SCNN1G: variants seen among roughly 807,000 people sequenced by gnomAD.
SCNN1G encodes sodium channel epithelial 1 subunit gamma.
In SCNN1G, 27 loss-of-function variants were observed where a neutral mutation model predicts 64.6. The ratio of observed to expected loss-of-function variants is 0.42; its 90% confidence interval spans 0.31 to 0.58. The LOEUF is 0.58. SCNN1G is among the 20% of genes least tolerant of loss of function. The pLI, the probability that SCNN1G is intolerant of heterozygous loss-of-function variation, is 0.18. For missense variants in SCNN1G, 743 were observed against 823.4 expected, an observed-to-expected ratio of 0.90 and a Z score of 1.19; for synonymous variants, 330 against 314.2, an observed-to-expected ratio of 1.05 and a Z score of -0.53.
intron 6 of SCNN1G, among the ~76,000 whole-genome samples, chr16:23,201,056 G>T (rs192322374): frequency 1.3e-5 from 2 of 152,300 alleles, no homozygotes; most frequent in Admixed American, 6.5e-5. Flanking sequence ...AAACTATCTC[G>T]AACCCTCAAT....
intron 5 of SCNN1G, among the ~76,000 whole-genome samples, chr16:23,195,548 G>A (rs1391017977): frequency 6.6e-6 from 1 of 152,224 alleles, no homozygotes; most frequent in African/African-American, 2.4e-5. Flanking sequence ...TCCCTGTGTA[G>A]TCTGTGCTCT....
At chr16:23,187,245 AC>A (rs1173710276) in intron 2 of SCNN1G, among the ~76,000 whole-genome samples, 1 of 151,452 alleles carries the variant, frequency 6.6e-6, no homozygotes, top group Non-Finnish European at 1.5e-5. Context: ...AGTAGCTGGG[AC>A]TATAGGCACA....
chr16:23,212,212 A>C (rs1012921483), intron 8 of SCNN1G, 61 bp downstream of exon 8: 5 of 1,084,582 alleles, frequency 4.6e-6, no homozygotes, highest in Non-Finnish European at 7.2e-6. Flanking sequence ...TAGTCCTGGC[A>C]ATAGGCACTC....
intron 7 of SCNN1G, 134 bp from the exon 8 acceptor site, chr16:23,211,900 T>G (rs541224071): frequency 4.0e-6 from 3 of 757,624 alleles, no homozygotes; most frequent in East Asian, 4.9e-5. Context: ...CCCAGCCCAG[T>G]TGGCATAAGG....
At chr16:23,208,242 G>A (rs542089838) in intron 6 of SCNN1G, among the ~76,000 whole-genome samples, 1 of 152,250 alleles carries the variant, frequency 6.6e-6, no homozygotes, top group South Asian at 2.1e-4. Context: ...GCTACTCAGA[G>A]AGGCTGAGGC....
chr16:23,209,362 G>A (rs1028140662), intron 6 of SCNN1G, among the ~76,000 whole-genome samples: 3 of 151,972 alleles, frequency 2.0e-5, no homozygotes, highest in Admixed American at 6.6e-5. Context: ...TCCCTTTTTC[G>A]GAAATACCTT....
chr16:23,203,386 C>T (rs1400409239), intron 6 of SCNN1G, among the ~76,000 whole-genome samples: 1 of 152,254 alleles, frequency 6.6e-6, no homozygotes, highest in Admixed American at 6.5e-5. Flanking sequence ...GGGGAGACTC[C>T]ATGTCATTAC....
intron 7 of SCNN1G, among the ~76,000 whole-genome samples, chr16:23,210,776 A>G (rs1011059456): frequency 2.6e-5 from 4 of 152,182 alleles, no homozygotes; most frequent in Non-Finnish European, 4.4e-5. Context: ...TCATGCCTAT[A>G]ATCCCAGCAC....
At position 23,212,776 on chromosome 16, in the gene SCNN1G, T is replaced by C; in HGVS notation, c.1373+20T>C. 1 of 1,613,714 alleles carries C rather than the reference T, an allele frequency of 6.2e-7. No homozygotes were observed. The highest frequency in any genetic ancestry group is 8.5e-7 in the Non-Finnish European group (1 of 1,179,676). ...CTGCAGGTATGTGGACCCCAAGGGG[T>C]GAGACGGGTGGCTGGGTTGGGTTGG... is the stretch of plus-strand genomic sequence containing the variant. On this transcript the variant is annotated intron_variant, in intron 9 of 12. Coordinates refer to ENST00000300061, the MANE Select transcript of SCNN1G (RefSeq NM_001039.4).
intron 2 of SCNN1G, among the ~76,000 whole-genome samples, chr16:23,187,864 G>A (rs1959639831): frequency 1.3e-5 from 2 of 152,146 alleles, no homozygotes; most frequent in Admixed American, 6.5e-5. Flanking sequence ...CAGGGGTGGG[G>A]AGAAGGGAAG....
At chr16:23,210,979 A>G (rs555344428) in intron 7 of SCNN1G, among the ~76,000 whole-genome samples, 1 of 152,312 alleles carries the variant, frequency 6.6e-6, no homozygotes, top group East Asian at 1.9e-4. Flanking sequence ...TCAAGCCTGC[A>G]GTGAGCCATG....
At position 23,212,856 on chromosome 16, in the gene SCNN1G, A is replaced by G; in HGVS notation, c.1393A>G (p.Thr465Ala). Residue 465 changes from threonine to alanine, a missense_variant, in exon 10 of 13, where the codon ACC becomes GCC. By Grantham distance (58) the Thr-to-Ala change is moderately conservative (BLOSUM62 0). Transcript: ENST00000300061. ...EACSFKEWTL[T>A]TSLAQWPSVV... The stretch of plus-strand genomic sequence containing the variant: ...CCTTAGCTTTAAAGAGTGGACACTA[A>G]CCACAAGCCTGGCACAATGGCCATC... The G allele has an allele frequency of 6.2e-7, 1 of 1,614,100 alleles. No individual in the cohort carries two copies. The highest frequency in any genetic ancestry group is 8.5e-7 in the Non-Finnish European group (1 of 1,180,022).
chr16:23,189,225 C>A, intron 2 of SCNN1G, 146 bp from the exon 3 acceptor site: 2 of 824,226 alleles, frequency 2.4e-6, no homozygotes, highest in Non-Finnish European at 4.0e-6. Flanking sequence ...TGGGTCAAGT[C>A]ATGAAAGGCG....
In SCNN1G at chr16:23,201,534, A is replaced by C. The variant is rs555516033; in HGVS notation, c.1077+4107A>C. Reference sequence around the variant, plus strand: ...ATGAGCATTTAGAACAACAACAAAAAAAAAAACAGGGTTTATGAAGAGGTC... The same window carrying C: ...ATGAGCATTTAGAACAACAACAAAACAAAAAACAGGGTTTATGAAGAGGTC... On this transcript the variant is annotated intron_variant, in intron 6 of 12. Coordinates refer to ENST00000300061, the MANE Select transcript of SCNN1G (RefSeq NM_001039.4). 1.1e-3 allele frequency among the ~76,000 whole-genome samples: 175 copies of C among 152,186 alleles called. 1 individual carries two copies. Among genetic ancestry groups the C allele is most frequent in the Admixed American group, 2.1e-3 (32 of 15,282 alleles).
At chr16:23,201,812 G>A (rs1167148864) in intron 6 of SCNN1G, among the ~76,000 whole-genome samples, 8 of 152,148 alleles carry the variant, frequency 5.3e-5, no homozygotes, top group Non-Finnish European at 1.2e-4. Flanking sequence ...GAAGACAAAA[G>A]TTTGTTTGCT....
chr16:23,194,504 C>T (rs761832842), intron 5 of SCNN1G, among the ~76,000 whole-genome samples: 10 of 152,152 alleles, frequency 6.6e-5, no homozygotes, highest in East Asian at 1.9e-4. Context: ...TTTGAGAGAG[C>T]GACAGGGACA....
chr16:23,186,424 G>A lies in SCNN1G; in HGVS notation c.153G>A (p.Leu51=), dbSNP rs752015752. 4.3e-6 allele frequency: 7 copies of A among 1,614,250 alleles called. No homozygotes were observed. Among genetic ancestry groups the A allele is most frequent in the South Asian group, 1.1e-5 (1 of 91,090 alleles). Residue 51 remains leucine (L), a synonymous_variant, in exon 2 of 13, where the codon CTG becomes CTA. Transcript: ENST00000300061. ...CRRIVVSRGR[L]RRLLWIGFTL... ...GCATCGTGGTGTCCCGCGGCCGTCT[G>A]CGCCGCCTCCTCTGGATCGGGTTCA... is the stretch of plus-strand genomic sequence containing the variant.
chr16:23,214,601 C>T, intron 11 of SCNN1G, 111 bp from the exon 12 acceptor site: 3 of 816,366 alleles, frequency 3.7e-6, no homozygotes, highest in South Asian at 1.4e-5. Context: ...CCCCAAGGAG[C>T]TCAGTGCCTT....
rs1246439534 is a variant in SCNN1G, at chr16:23,213,089, C to T, written c.1432-13C>T. The stretch of plus-strand genomic sequence containing the variant: ...AGGCACCCTCAGGCCCACGCTTTCT[C>T]TCTCCGTTGTAGAAGTGGTTGCTGC... On this transcript the variant is annotated splice_polypyrimidine_tract_variant and intron_variant, in intron 10 of 12. Coordinates refer to ENST00000300061, the MANE Select transcript of SCNN1G (RefSeq NM_001039.4). 5.6e-6 allele frequency: 9 copies of T among 1,613,438 alleles called. No individual in the cohort carries two copies. Among genetic ancestry groups the T allele is most frequent in the African/African-American group, 5.3e-5 (4 of 74,980 alleles).
Sources: gnomAD v4.1 joint callset for allele counts (sites outside exome capture counted in the v4.1 genomes callset) on GRCh38, gnomAD v4.1.1 for gene constraint, MANE v1.5 for transcripts, NCBI Gene and HGNC (gene_info 2026-07-23, HGNC 2026-07-21) for gene names.